The following BRD3 variants were observed in gnomAD, a reference collection of about 807,000 sequenced individuals.
BRD3 encodes the protein bromodomain-containing protein 3.
Under a neutral mutation model 66.8 loss-of-function variants are expected in BRD3, and 17 were observed. That is an observed-to-expected ratio of 0.25 (90% CI 0.17 to 0.38). The LOEUF (loss-of-function observed/expected upper bound fraction) is 0.38. Among genes scored for constraint, BRD3 ranks in the 10% least tolerant of loss-of-function variants. The pLI, the probability that BRD3 is intolerant of heterozygous loss-of-function variation, is 1.00. For synonymous variants in BRD3, 421 were observed against 393.2 expected, an observed-to-expected ratio of 1.07 and a Z score of -0.84; for missense variants, 713 against 956.1, an observed-to-expected ratio of 0.75 and a Z score of 3.35.
rs202175011 is a variant in BRD3 at position 134,051,724 on chromosome 9, A to T, written c.352-15T>A. 19 of 1,586,652 alleles carry T rather than the reference A, an allele frequency of 1.2e-5. No individual in the cohort carries two copies. The East Asian group carries it at 2.5e-4, about 21-fold the overall frequency. ...TCATCTGTGGGCTGAAGACACAGAGAGTCCAGGTCACGTGTCAGGAAAGGA... is the reference window on the plus strand; with the variant it reads ...TCATCTGTGGGCTGAAGACACAGAGTGTCCAGGTCACGTGTCAGGAAAGGA... On this transcript the variant is annotated splice_polypyrimidine_tract_variant and intron_variant, in intron 3 of 11. Coordinates refer to ENST00000303407, the MANE Select transcript of BRD3 (RefSeq NM_007371.4).
At chr9:134,036,427 A>G in intron 9 of BRD3, 103 bp from the exon 10 acceptor site, 1 of 1,576,446 alleles carries the variant, frequency 6.3e-7, no homozygotes, top group Non-Finnish European at 8.6e-7. Flanking sequence ...GCTCTCTGGG[A>G]CCAAGCTTTC....
chr9:134,058,635 G>A (rs1418811482), intron 1 of BRD3: 1 of 152,248 alleles, frequency 6.6e-6, no homozygotes, highest in Non-Finnish European at 1.5e-5. Flanking sequence ...TTTTCCCGGG[G>A]GGTAGAGGTG....
At position 134,048,073 on chromosome 9, in the gene BRD3, G is replaced by A. The variant is rs201247864; in HGVS notation, c.1086+10C>T. On this transcript the variant is annotated intron_variant, in intron 6 of 11. Coordinates refer to ENST00000303407, the MANE Select transcript of BRD3 (RefSeq NM_007371.4). ...ATGGGCAGAGCAGGGCCTGCCGCGCGGCCACGTACTTTCACGGTGCTGAGG... is the reference window on the plus strand; with the variant it reads ...ATGGGCAGAGCAGGGCCTGCCGCGCAGCCACGTACTTTCACGGTGCTGAGG... The A allele has an allele frequency of 2.0e-4, 308 of 1,549,556 alleles. No homozygotes were observed. Among genetic ancestry groups the A allele is most frequent in the Middle Eastern group, 6.9e-4 (3 of 4,336 alleles).
intron 1 of BRD3, among the ~76,000 whole-genome samples, chr9:134,066,424 C>T (rs963304372): frequency 6.6e-6 from 1 of 152,206 alleles, no homozygotes; most frequent in African/African-American, 2.4e-5. Flanking sequence ...TCCCTAACCC[C>T]CGAGGCCAGC....
chr9:134,053,966 G>A lies in BRD3; in HGVS notation c.-113-376C>T, dbSNP rs1045630613. 8.6e-5 allele frequency: 15 copies of A among 173,498 alleles called. No homozygotes were observed. The South Asian group carries it at 1.0e-3, about 12-fold the overall frequency. 10.7% of individuals were successfully genotyped at this position (173,498 alleles called of 1,614,324 possible). On this transcript the variant is annotated intron_variant, in intron 1 of 11. Transcript: ENST00000303407. Reference sequence around the variant, plus strand: ...AACCACCCACTCGTGGGGTCGACTCGTTGCTACTGGGCTCTGACAGCTTGG... The same window carrying A: ...AACCACCCACTCGTGGGGTCGACTCATTGCTACTGGGCTCTGACAGCTTGG...
At chr9:134,040,455 C>T (rs455381) in intron 8 of BRD3, among the ~76,000 whole-genome samples, 186 bp from the exon 9 acceptor site, 1 of 152,024 alleles carries the variant, frequency 6.6e-6, no homozygotes, top group Non-Finnish European at 1.5e-5. Flanking sequence ...GAGTCATGAG[C>T]CCTCTCCGCC....
At position 134,045,331 on chromosome 9, in the gene BRD3, G is replaced by C; in HGVS notation, c.1177C>G (p.Pro393Ala). The change falls in exon 7 of 12, where the codon CCA becomes GCA. Residue 393 changes from proline (P) to alanine (A), a missense_variant. Around this residue, in one of 5 missense-constraint regions of BRD3, gnomAD observed 418 missense variants for 609.3 expected, o/e 0.69. Transcript: ENST00000303407. The surrounding 1 kb of genome is among the most constrained non-coding windows in gnomAD (Gnocchi z 4.8). Reference sequence around the variant, plus strand: ...GCCATGGCCACAACCTCGTGGTCTGGGGGATTGTATTTGTAGCAATTCGAG... The same window carrying C: ...GCCATGGCCACAACCTCGTGGTCTGCGGGATTGTATTTGTAGCAATTCGAG... ...MFSNCYKYNP[P>A]DHEVVAMARK... 1 of 1,613,614 alleles carries C rather than the reference G, an allele frequency of 6.2e-7. No homozygotes were observed. Among genetic ancestry groups the C allele is most frequent in the Non-Finnish European group, 8.5e-7 (1 of 1,180,006 alleles).
intron 5 of BRD3, 39 bp from the exon 6 acceptor site, chr9:134,048,493 G>A: frequency 1.3e-6 from 2 of 1,596,736 alleles, no homozygotes; most frequent in Middle Eastern, 1.7e-4. Context: ...CGGAAACCAG[G>A]GGCCCCGAAG....
intron 1 of BRD3, chr9:134,057,414 GC>G (rs1432147864): frequency 6.6e-6 from 1 of 152,258 alleles, no homozygotes; most frequent in African/African-American, 2.4e-5. Context: ...GACGTCGGTG[GC>G]TCCTCTGCCA....
chr9:134,039,593 T>G (rs2519079), intron 9 of BRD3, among the ~76,000 whole-genome samples: 3 of 152,202 alleles, frequency 2.0e-5, no homozygotes, highest in Admixed American at 6.5e-5. Context: ...GGCTCCTGCA[T>G]GTCCCTAGCA....
intron 1 of BRD3, among the ~76,000 whole-genome samples, chr9:134,063,253 G>T (rs376150776): frequency 6.6e-6 from 1 of 152,312 alleles, no homozygotes; most frequent in African/African-American, 2.4e-5. Context: ...TAAGAGCAAA[G>T]CGTGGGCATG....
intron 4 of BRD3, among the ~76,000 whole-genome samples, chr9:134,051,236 GGAA>G (rs1830287802): frequency 6.6e-6 from 1 of 152,236 alleles, no homozygotes; most frequent in Non-Finnish European, 1.5e-5. Flanking sequence ...CACGCGTCGT[GGAA>G]GAAGTGACCT....
intron 9 of BRD3, chr9:134,036,706 T>C (rs781194660): frequency 5.7e-5 from 55 of 958,208 alleles, no homozygotes; most frequent in Non-Finnish European, 8.2e-5. Context: ...TCAATAATTA[T>C]GTGAAATATA....
At chr9:134,041,636 C>T in intron 8 of BRD3, 124 bp downstream of exon 8, 2 of 1,269,580 alleles carry the variant, frequency 1.6e-6, no homozygotes, top group South Asian at 1.4e-5. Context: ...TACGGGGAAG[C>T]ACTACCGCGG....
rs1251493302 is a variant in BRD3 at position 134,068,010 on chromosome 9, G to C, written c.-179C>G. 2.1e-5 allele frequency: 3 copies of C among 144,984 alleles called. No homozygotes were observed. Among genetic ancestry groups the C allele is most frequent in the Non-Finnish European group, 4.6e-5 (3 of 65,194 alleles). 9.0% of individuals were successfully genotyped at this position (144,984 alleles called of 1,614,324 possible). A position where few individuals can be genotyped will look rare whatever the true frequency, so the allele number is the denominator to read the frequency against. ...GCGGCCGGCTCCTCTTTGGCTCGCC[G>C]GCCCCGGCAGCATAATAGACGCGCC... On this transcript the variant is annotated 5_prime_UTR_variant, in exon 1 of 12. Coordinates refer to ENST00000303407, the MANE Select transcript of BRD3 (RefSeq NM_007371.4).
intron 1 of BRD3, among the ~76,000 whole-genome samples, chr9:134,059,622 C>T (rs4744546): frequency 0.45 from 68,236 of 152,048 alleles, 16,077 homozygotes; most frequent in Middle Eastern, 0.58. Context: ...AACAGGGGGG[C>T]CCCACACCAC....
intron 1 of BRD3, among the ~76,000 whole-genome samples, chr9:134,055,412 G>A (rs938684806): frequency 1.3e-5 from 2 of 152,174 alleles, no homozygotes; most frequent in African/African-American, 4.8e-5. Context: ...CTCAAGGCCT[G>A]GACAGCAGCA....
upstream of BRD3, chr9:134,068,524 TA>T (rs1339984988): frequency 1.3e-5 from 2 of 149,052 alleles, no homozygotes; most frequent in African/African-American, 4.9e-5. Flanking sequence ...ACCGCGCGCC[TA>T]ATTAGCCTGG....
rs200460874 is a variant in BRD3 at position 134,053,410 on chromosome 9, G to A, written c.68C>T (p.Pro23Leu). ...CTTGCTGGGGTTGGAGACCTCCGGGGGGGGTGGGTTCACAGGGCCCGGGGT... is the reference window on the plus strand; with the variant it reads ...CTTGCTGGGGTTGGAGACCTCCGGGAGGGGTGGGTTCACAGGGCCCGGGGT... ...PATPGPVNPP[P>L]PEVSNPSKPG... The change falls in exon 2 of 12, where the codon CCC becomes CTC. Residue 23 changes from proline to leucine, a missense_variant. Transcript: ENST00000303407. The A allele has an allele frequency of 2.5e-6, 4 of 1,612,344 alleles. No homozygotes were observed. The highest frequency in any genetic ancestry group is 1.6e-4 in the Middle Eastern group (1 of 6,074).
Sources: gnomAD v4.1 joint callset for allele counts (sites outside exome capture counted in the v4.1 genomes callset) on GRCh38, gnomAD v4.1.1 for gene constraint, gnomAD v4.1.1 regional missense constraint, Gnocchi (gnomAD v3.1) non-coding constraint, MANE v1.5 for transcripts, NCBI Gene and HGNC (gene_info 2026-07-23, HGNC 2026-07-21) for gene names.